Variants in RARB observed in about 807,000 individuals in gnomAD.
The protein encoded by RARB is HBV-activated protein.
In RARB, 17 loss-of-function variants were observed where a neutral mutation model predicts 51.9. The ratio of observed to expected loss-of-function variants is 0.33; its 90% CI spans 0.22 to 0.49. The LOEUF is 0.49. RARB is among the 20% of genes least tolerant of loss of function. The probability of loss-of-function intolerance (pLI) is 0.99; values close to 1 mark genes in which losing one functional copy is unlikely to be tolerated. For missense variants in RARB, 369 were observed against 550.8 expected (o/e 0.67, Z 3.30); for synonymous variants, 215 against 195.4 (o/e 1.10, Z -0.84).
At chr3:25,225,267 G>A (rs2125386953) in intron 5 of RARB, among the ~76,000 whole-genome samples, 1 of 151,940 alleles carries the variant, frequency 6.6e-6, no homozygotes, top group African/African-American at 2.4e-5. Flanking sequence ...GTTAATTAAA[G>A]AAGACTTCAA....
At chr3:25,356,106 C>T (rs1436279797) in intron 5 of RARB, among the ~76,000 whole-genome samples, 1 of 152,092 alleles carries the variant, frequency 6.6e-6, no homozygotes, top group African/African-American at 2.4e-5. Context: ...TCTGATTACA[C>T]TTAGCTTTAA....
intron 3 of RARB, among the ~76,000 whole-genome samples, chr3:25,109,348 A>G (rs1055649818): frequency 6.6e-6 from 1 of 152,128 alleles, no homozygotes; most frequent in Non-Finnish European, 1.5e-5. Flanking sequence ...TAGAATAAAC[A>G]CTGGAAGCAT....
chr3:24,927,204 CA>C (rs1311604293), intron 2 of RARB, among the ~76,000 whole-genome samples: 1 of 152,030 alleles, frequency 6.6e-6, no homozygotes, highest in Non-Finnish European at 1.5e-5. Context: ...CGTAGATTTG[CA>C]TTACAAAATT....
intron 3 of RARB, among the ~76,000 whole-genome samples, chr3:25,542,513 G>A (rs533384915): frequency 6.6e-6 from 1 of 152,306 alleles, no homozygotes; most frequent in African/African-American, 2.4e-5. Flanking sequence ...CCACCACAGG[G>A]AGCAATCAAG....
At chr3:25,118,193 C>T (rs926296220) in intron 3 of RARB, among the ~76,000 whole-genome samples, 1 of 152,156 alleles carries the variant, frequency 6.6e-6, no homozygotes, top group African/African-American at 2.4e-5. Flanking sequence ...TCATCATAAA[C>T]GCAGTGATAA....
intron 3 of RARB, among the ~76,000 whole-genome samples, chr3:25,503,330 T>C (rs1575466818): frequency 6.6e-6 from 1 of 152,364 alleles, no homozygotes; most frequent in East Asian, 1.9e-4. Flanking sequence ...TAGACATGGA[T>C]GGCACACAGC....
Position 25,300,223 on chromosome 3 carries a change from T to C in RARB, c.178+125648T>C, listed in dbSNP as rs1478228102. 4.6e-5 allele frequency among the ~76,000 whole-genome samples: 7 copies of C among 152,238 alleles called. No homozygotes were observed. The East Asian group carries it at 1.3e-3, about 29-fold the overall frequency. On this transcript the variant is annotated intron_variant, in intron 5 of 11. Coordinates refer to the RARB transcript ENST00000383772. Reference sequence around the variant, plus strand: ...ACATGACACTGCTTTCTACAAAATGTCCTTGCATTATAATTTGTTCAGCAC... The same window carrying C: ...ACATGACACTGCTTTCTACAAAATGCCCTTGCATTATAATTTGTTCAGCAC...
At chr3:25,123,067 G>A (rs1027190025) in intron 3 of RARB, among the ~76,000 whole-genome samples, 2 of 151,986 alleles carry the variant, frequency 1.3e-5, no homozygotes, top group African/African-American at 2.4e-5. Flanking sequence ...TCTCCTGCAT[G>A]AGCATTGAGG....
chr3:25,410,861 C>T (rs1359014168), intron 5 of RARB, among the ~76,000 whole-genome samples: 7 of 152,226 alleles, frequency 4.6e-5, no homozygotes, highest in Admixed American at 1.3e-4. Context: ...TGCCCCAACC[C>T]CTGCTCTGCA....
intron 5 of RARB, among the ~76,000 whole-genome samples, chr3:25,343,022 CTTTG>C (rs1275299990): frequency 0.016 from 1,412 of 89,444 alleles, 25 homozygotes; most frequent in African/African-American, 0.063. Flanking sequence ...TTTGCAAGTA[CTTTG>C]TGTGTGTGTG....
chr3:25,176,777 C>T (rs1700762683), intron 5 of RARB, among the ~76,000 whole-genome samples: 1 of 152,078 alleles, frequency 6.6e-6, no homozygotes, highest in African/African-American at 2.4e-5. Flanking sequence ...GCCTCTTTTG[C>T]ACTCAAAATA....
chr3:25,124,824 G>A (rs1465692421), intron 3 of RARB, among the ~76,000 whole-genome samples: 1 of 152,130 alleles, frequency 6.6e-6, no homozygotes. Flanking sequence ...CAGCCGTGTT[G>A]TAGACACTAT....
intron 3 of RARB, among the ~76,000 whole-genome samples, chr3:25,559,345 A>G (rs34214973): frequency 0.25 from 38,180 of 151,884 alleles, 4,854 homozygotes; most frequent in East Asian, 0.38. Flanking sequence ...CTCTTCTGAG[A>G]TGTTTTTTCC....
chr3:25,566,568 A>T (rs1314455307), intron 3 of RARB, among the ~76,000 whole-genome samples: 1 of 152,178 alleles, frequency 6.6e-6, no homozygotes, highest in Non-Finnish European at 1.5e-5. Flanking sequence ...CTTGGTGCCC[A>T]GCTGCAGCTC....
At chr3:24,903,852 T>G in intron 2 of RARB, among the ~76,000 whole-genome samples, 1 of 152,318 alleles carries the variant, frequency 6.6e-6, no homozygotes, top group Middle Eastern at 3.4e-3. Context: ...TAACAAAAAC[T>G]TCATTGCTAT....
intron 3 of RARB, among the ~76,000 whole-genome samples, chr3:25,082,174 T>C (rs1699018818): frequency 6.6e-6 from 1 of 152,134 alleles, no homozygotes; most frequent in South Asian, 2.1e-4. Context: ...ATATTTTTGC[T>C]TTTAAAGAGT....
chr3:25,460,503 A>G (rs1695126829), intron 1 of RARB, among the ~76,000 whole-genome samples: 1 of 151,530 alleles, frequency 6.6e-6, no homozygotes, highest in African/African-American at 2.4e-5. Flanking sequence ...GCTGGAGTTC[A>G]GTCGTACGAT....
At chr3:25,487,410 G>A (rs545745875) in intron 2 of RARB, among the ~76,000 whole-genome samples, 9 of 151,406 alleles carry the variant, frequency 5.9e-5, no homozygotes, top group Non-Finnish European at 7.4e-5. Flanking sequence ...CTGCTTTGCC[G>A]GTAGTGAATG....
At chr3:25,388,053 A>AG (rs1447845588) in intron 5 of RARB, among the ~76,000 whole-genome samples, 1 of 91,252 alleles carries the variant, frequency 1.1e-5, no homozygotes, top group African/African-American at 3.1e-5. Flanking sequence ...TGGAAGTTAA[A>AG]GAAATGGAAA....
Sources: allele counts gnomAD v4.1 joint callset (sites outside exome capture counted in the v4.1 genomes callset), GRCh38; gene constraint gnomAD v4.1.1; transcripts MANE v1.5; gene names NCBI Gene and HGNC (gene_info 2026-07-23, HGNC 2026-07-21).